TMEM259: variants seen among roughly 807,000 people sequenced by gnomAD.
TMEM259 encodes transmembrane protein 259, also known as membralin.
A neutral mutation model predicts 46.7 loss-of-function variants in TMEM259; 26 were observed. The observed-to-expected ratio is 0.56, with a 90% confidence interval of 0.41 to 0.77. The LOEUF (loss-of-function observed/expected upper bound fraction) is 0.77, where lower values mean the gene tolerates loss of function less well. TMEM259 is among the 30% of genes least tolerant of loss of function. The pLI is 0.00. For synonymous variants in TMEM259, 494 were observed against 395.1 expected (o/e 1.25, Z -2.97); for missense variants, 930 against 900.5 (o/e 1.03, Z -0.42).
Position 1,011,405 on chromosome 19 carries a change from G to T in TMEM259, c.1179C>A (p.Ile393=). 6.4e-7 allele frequency: 1 copy of T among 1,565,356 alleles called. No homozygotes were observed. ...IVWLADQYDA[I]CCHTSTSKRH... is the part of the protein sequence containing the mutation. ...GCTTGCTGGTGCTGGTGTGGCAGCA[G>T]ATGGCGTCATACTGGTCCGCGAGCC... The change falls in exon 9 of 11, where the codon ATC becomes ATA. Residue 393 remains isoleucine (I), a synonymous_variant. Transcript: ENST00000356663.
Position 1,010,544 on chromosome 19 carries a change from G to A in TMEM259, c.1669C>T (p.Leu557=). 2 of 1,548,494 alleles carry A rather than the reference G, an allele frequency of 1.3e-6. No homozygotes were observed. The highest frequency in any genetic ancestry group is 4.9e-5 in the East Asian group (2 of 40,950). ...IITDASFLSG[L]SASLLERRPA... Reference sequence around the variant, plus strand: ...CGCCGCTCCAGGAGGGAGGCGCTCAGGCCGGACAGGAAGGAGGCGTCTGTG... The same window carrying A: ...CGCCGCTCCAGGAGGGAGGCGCTCAAGCCGGACAGGAAGGAGGCGTCTGTG... Residue 557 remains leucine (L), a synonymous_variant, in exon 11 of 11, where the codon CTG becomes TTG. Coordinates refer to ENST00000356663, the MANE Select transcript of TMEM259 (RefSeq NM_001033026.2).
At chr19:1,013,082 T>G (rs1329271163) in intron 3 of TMEM259, among the ~76,000 whole-genome samples, 159 bp downstream of exon 3, 1 of 152,154 alleles carries the variant, frequency 6.6e-6, no homozygotes, top group Non-Finnish European at 1.5e-5. Flanking sequence ...CACAGCCTCC[T>G]GTGCTGACAG....
chr19:1,021,096 G>C lies in TMEM259; in HGVS notation c.-100C>G, dbSNP rs899618745. Reference sequence around the variant, plus strand: ...GCCGCCGCTCTCCTCACGGCCTCCCGGCCGCCGCCGCCATCTTCCGCTTTC... The same window carrying C: ...GCCGCCGCTCTCCTCACGGCCTCCCCGCCGCCGCCGCCATCTTCCGCTTTC... On this transcript the variant is annotated 5_prime_UTR_variant, in exon 1 of 11. Transcript: ENST00000356663. 1.7e-6 allele frequency: 2 copies of C among 1,180,152 alleles called. No homozygotes were observed. Among genetic ancestry groups the C allele is most frequent in the Non-Finnish European group, 1.1e-6 (1 of 938,526 alleles). The allele number at this position is 1,180,152 out of a possible 1,614,324, so 73.1% of individuals were successfully genotyped here.
Position 1,011,209 on chromosome 19 carries a change from T to C in TMEM259, c.1218-14A>G, listed in dbSNP as rs573541244. 9 of 1,574,968 alleles carry C rather than the reference T, an allele frequency of 5.7e-6. No individual in the cohort carries two copies. The highest frequency in any genetic ancestry group is 7.8e-6 in the Non-Finnish European group (9 of 1,161,116). Reference sequence around the variant, plus strand: ...AGATAGAAGAACCTGCGGGGCGGGGTGAGGGCGTCGGGGCTGCAGGTCCCA... The same window carrying C: ...AGATAGAAGAACCTGCGGGGCGGGGCGAGGGCGTCGGGGCTGCAGGTCCCA... On this transcript the variant is annotated splice_polypyrimidine_tract_variant and intron_variant, in intron 9 of 10. Coordinates refer to ENST00000356663, the MANE Select transcript of TMEM259 (RefSeq NM_001033026.2).
At position 1,011,882 on chromosome 19, in the gene TMEM259, A is replaced by C. The variant is rs1469877556; in HGVS notation, c.942+10T>G. ...CCGGCCAGCCCCCGCACCCGCCCCG[A>C]GGCACTCACGAAGATGACCATGATG... On this transcript the variant is annotated intron_variant, in intron 6 of 10. Coordinates refer to ENST00000356663, the MANE Select transcript of TMEM259 (RefSeq NM_001033026.2). 6.2e-7 allele frequency: 1 copy of C among 1,601,904 alleles called. No homozygotes were observed. The highest frequency in any genetic ancestry group is 8.5e-7 in the Non-Finnish European group (1 of 1,173,290).
In TMEM259 at chr19:1,011,360, C is replaced by T. The variant is rs373783115; in HGVS notation, c.1217+7G>A. Reference sequence around the variant, plus strand: ...CCCACTCCACCCTGCCCCCGCGCCACGCTCACCGCAGCCAATGCCGCTTGC... The same window carrying T: ...CCCACTCCACCCTGCCCCCGCGCCATGCTCACCGCAGCCAATGCCGCTTGC... On this transcript the variant is annotated splice_region_variant and intron_variant, in intron 9 of 10. Coordinates refer to ENST00000356663, the MANE Select transcript of TMEM259 (RefSeq NM_001033026.2). 49 of 1,571,518 alleles carry T rather than the reference C, an allele frequency of 3.1e-5. No individual in the cohort carries two copies. The African/African-American group carries it at 4.2e-4, about 13-fold the overall frequency.
In TMEM259 at chr19:1,020,757, C is replaced by G; in HGVS notation, c.225+15G>C. 7.7e-7 allele frequency: 1 copy of G among 1,300,954 alleles called. No homozygotes were observed. The allele number at this position is 1,300,954 out of a possible 1,614,324, so 80.6% of individuals were successfully genotyped here. ...GCCGCTGGGGTCAAGGGTCGGGGGT[C>G]GGGGCCGCGGTCACCTTGAGCAGCA... On this transcript the variant is annotated intron_variant, in intron 1 of 10. Coordinates refer to ENST00000356663, the MANE Select transcript of TMEM259 (RefSeq NM_001033026.2). The surrounding 1 kb of genome is among the most constrained non-coding windows in gnomAD (Gnocchi z 4.0).
chr19:1,010,943 C>A, intron 10 of TMEM259, 48 bp from the exon 11 acceptor site: 1 of 1,566,862 alleles, frequency 6.4e-7, no homozygotes, highest in South Asian at 1.1e-5. Context: ...CCTGCCCCAC[C>A]CAGCCGCTGC....
Position 1,011,449 on chromosome 19 carries a change from A to C in TMEM259, c.1135T>G (p.Tyr379Asp). 6.4e-7 allele frequency: 1 copy of C among 1,564,062 alleles called. No individual in the cohort carries two copies. Among genetic ancestry groups the C allele is most frequent in the Non-Finnish European group, 8.7e-7 (1 of 1,154,688 alleles). ...GCGAGCCACACGATGAGGATGATGTAGAAGGCGGTGGTGGTGTCGTTGAAG... is the reference window on the plus strand; with the variant it reads ...GCGAGCCACACGATGAGGATGATGTCGAAGGCGGTGGTGGTGTCGTTGAAG... ...EFFNDTTTAF[Y>D]IILIVWLADQ... The change falls in exon 9 of 11, where the codon TAC becomes GAC. Residue 379 changes from tyrosine (Y) to aspartate (D), a missense_variant. By Grantham distance (160) the Tyr-to-Asp change is radical. Transcript: ENST00000356663.
chr19:1,010,561 G>T lies in TMEM259; in HGVS notation c.1652C>A (p.Ala551Asp), dbSNP rs1183286622. ...GGCGCTCAGGCCGGACAGGAAGGAG[G>T]CGTCTGTGATGATGGCAGCGGTCTC... ...MAETAAIITDASFLSGLSASL... is the reference protein window; with the variant it reads ...MAETAAIITDDSFLSGLSASL... The change falls in exon 11 of 11, where the codon GCC becomes GAC. Residue 551 changes from alanine (A) to aspartate (D), a missense_variant. Transcript: ENST00000356663. 13 of 1,549,212 alleles carry T rather than the reference G, an allele frequency of 8.4e-6. No homozygotes were observed. The highest frequency in any genetic ancestry group is 2.4e-5 in the South Asian group (2 of 84,218).
intron 2 of TMEM259, 88 bp from the exon 3 acceptor site, chr19:1,013,428 G>T: frequency 1.5e-6 from 2 of 1,361,982 alleles, no homozygotes; most frequent in Non-Finnish European, 2.1e-6. Flanking sequence ...TAATGGGAAG[G>T]GACTGGAAGC....
rs751322999 is a variant in TMEM259, at chr19:1,010,797, G to A, written c.1416C>T (p.Pro472=). Residue 472 remains proline, a synonymous_variant, in exon 11 of 11, where the codon CCC becomes CCT. Transcript: ENST00000356663. ...CATCGGGCAGCGCCGTGGGGGTCCC[G>A]GGGCCCAGTGGCGGCGCCTGAAGCA... ...EMLLQAPPLG[P]GTPTALPDDM... The A allele has an allele frequency of 1.0e-5, 16 of 1,573,124 alleles. 1 individual carries two copies. In the African/African-American group the frequency reaches 1.3e-4, roughly 13 times the overall value.
chr19:1,019,880 G>A (rs1410220022), intron 1 of TMEM259, among the ~76,000 whole-genome samples: 4 of 152,224 alleles, frequency 2.6e-5, no homozygotes, highest in Admixed American at 6.5e-5. Flanking sequence ...TGTTTTCTGA[G>A]GGGCTGCAGC....
intron 10 of TMEM259, 24 bp downstream of exon 10, chr19:1,011,072 C>A (rs768755088): frequency 6.4e-7 from 1 of 1,566,942 alleles, no homozygotes; most frequent in Non-Finnish European, 8.6e-7. Flanking sequence ...CTGGCCTGCC[C>A]CCTGCTTGCC....
At position 1,020,876 on chromosome 19, in the gene TMEM259, G is replaced by T; in HGVS notation, c.121C>A (p.Arg41Ser). The change falls in exon 1 of 11, where the codon CGC (arginine) becomes AGC (serine). Residue 41 changes from arginine to serine, a missense_variant. Transcript: ENST00000356663. The surrounding 1 kb of genome is among the most constrained non-coding windows in gnomAD (Gnocchi z 4.0). ...NLNPNPLINV[R>S]DRLFHALFFK... ...AACAGCGCGTGGAAGAGCCGGTCGC[G>T]CACGTTGATGAGGGGGTTGGGGTTG... The T allele has an allele frequency of 7.5e-7, 1 of 1,340,906 alleles. No homozygotes were observed. Among genetic ancestry groups the T allele is most frequent in the African/African-American group, 1.5e-5 (1 of 66,300 alleles). 83.1% of individuals were successfully genotyped at this position (1,340,906 alleles called of 1,614,324 possible).
At position 1,011,140 on chromosome 19, in the gene TMEM259, G is replaced by A; in HGVS notation, c.1273C>T (p.Gln425Ter). The change falls in exon 10 of 11, where the codon CAG (glutamine) becomes TAG (stop). Residue 425 changes from glutamine to a stop codon, truncating the protein, a stop_gained. Transcript: ENST00000356663. LOFTEE classifies it low-confidence loss of function (END_TRUNC). ...GTGACCAGGGCCAGGCTGCTATACTGCCCATTGAAGCGGTAGTGATAGGCA... is the reference window on the plus strand; with the variant it reads ...GTGACCAGGGCCAGGCTGCTATACTACCCATTGAAGCGGTAGTGATAGGCA... Reference protein sequence around the residue: ...FYAYHYRFNGQYSSLALVTSW... With the variant: ...FYAYHYRFNG 1 of 1,605,132 alleles carries A rather than the reference G, an allele frequency of 6.2e-7. No homozygotes were observed. Among genetic ancestry groups the A allele is most frequent in the Non-Finnish European group, 8.5e-7 (1 of 1,175,562 alleles).
In TMEM259 at chr19:1,010,756, G is replaced by A. The variant is rs10401738; in HGVS notation, c.1457C>T (p.Ser486Leu). 16,987 of 1,540,494 alleles carry A rather than the reference G, an allele frequency of 0.011. 135 individuals carry two copies. The highest frequency in any genetic ancestry group is 0.065 in the Middle Eastern group (357 of 5,460). ...GTCAGGGGCTGTAGCCGGGGCGCCC[G>A]AGTTGTTGTTCATGTCATCGGGCAG... ...TALPDDMNNN[S>L]GAPATAPDSA... Residue 486 changes from serine to leucine, a missense_variant, in exon 11 of 11, where the codon TCG (serine) becomes TTG (leucine). Ser to Leu is a moderately radical substitution (Grantham distance 145). Coordinates refer to ENST00000356663, the MANE Select transcript of TMEM259 (RefSeq NM_001033026.2).
intron 9 of TMEM259, 23 bp from the exon 10 acceptor site, chr19:1,011,218 C>G: frequency 6.4e-7 from 1 of 1,562,912 alleles, no homozygotes; most frequent in Non-Finnish European, 8.7e-7. Flanking sequence ...GTGAGGGCGT[C>G]GGGGCTGCAG....
Position 1,011,956 on chromosome 19 carries a change from C to A in TMEM259, c.878G>T (p.Arg293Leu). Residue 293 changes from arginine (R) to leucine (L), a missense_variant, in exon 6 of 11, where the codon CGC becomes CTC. By Grantham distance (102) the Arg-to-Leu change is moderately radical (BLOSUM62 -2). Transcript: ENST00000356663. Reference protein sequence around the residue: ...LRNVVSGEHYRFVSMWMARTS... With the variant: ...LRNVVSGEHYLFVSMWMARTS... Reference sequence around the variant, plus strand: ...CCGCGCCATCCACATGCTCACAAAGCGGTAGTGCTCGCCCGACACCACATT... The same window carrying A: ...CCGCGCCATCCACATGCTCACAAAGAGGTAGTGCTCGCCCGACACCACATT... 1 of 1,612,298 alleles carries A rather than the reference C, an allele frequency of 6.2e-7. No homozygotes were observed. Among genetic ancestry groups the A allele is most frequent in the Non-Finnish European group, 8.5e-7 (1 of 1,179,676 alleles).
Sources: allele counts gnomAD v4.1 joint callset (sites outside exome capture counted in the v4.1 genomes callset), GRCh38; gene constraint gnomAD v4.1.1; non-coding constraint Gnocchi (gnomAD v3.1); transcripts MANE v1.5; gene names NCBI Gene and HGNC (gene_info 2026-07-23, HGNC 2026-07-21).